ACSM3: variants seen among roughly 807,000 people sequenced by gnomAD.
The protein encoded by ACSM3 is acyl-coenzyme A synthetase ACSM3, mitochondrial.
A neutral mutation model predicts 74.1 loss-of-function variants in ACSM3; 61 were observed. The ratio of observed to expected loss-of-function variants is 0.82; its 90% CI spans 0.67 to 1.02. The LOEUF (loss-of-function observed/expected upper bound fraction) is 1.02, where lower values mean the gene tolerates loss of function less well. ACSM3 is among the 50% of genes least tolerant of loss of function. The probability of loss-of-function intolerance (pLI) is 0.00; values close to 1 mark genes in which losing one functional copy is unlikely to be tolerated. For missense variants in ACSM3, 660 were observed against 697.0 expected, an observed-to-expected ratio of 0.95 and a Z score of 0.60; for synonymous variants, 213 against 241.5, an observed-to-expected ratio of 0.88 and a Z score of 1.09.
chr16:20,782,703 G>A (rs143986148), intron 7 of ACSM3, among the ~76,000 whole-genome samples: 6 of 152,246 alleles, frequency 3.9e-5, no homozygotes, highest in East Asian at 3.9e-4. Context: ...TGTCACCTGC[G>A]CATATGACCA....
intron 1 of ACSM3, among the ~76,000 whole-genome samples, chr16:20,714,024 G>A (rs1231820081): frequency 6.6e-6 from 1 of 152,070 alleles, no homozygotes; most frequent in African/African-American, 2.4e-5. Flanking sequence ...AAGTGTATAC[G>A]TTCATGAACA....
At chr16:20,688,342 G>T (rs1211440782) in intron 1 of ACSM3, among the ~76,000 whole-genome samples, 3 of 151,978 alleles carry the variant, frequency 2.0e-5, no homozygotes, top group Non-Finnish European at 4.4e-5. Flanking sequence ...ACCCATTTTG[G>T]GCATTCTAGA....
chr16:20,707,101 C>T (rs2079730144), intron 1 of ACSM3, among the ~76,000 whole-genome samples: 1 of 152,094 alleles, frequency 6.6e-6, no homozygotes, highest in Non-Finnish European at 1.5e-5. Flanking sequence ...CAGCTGAGGT[C>T]TAAGAGCAGT....
intron 1 of ACSM3, among the ~76,000 whole-genome samples, chr16:20,710,362 G>A (rs998434583): frequency 6.6e-6 from 1 of 152,074 alleles, no homozygotes; most frequent in Non-Finnish European, 1.5e-5. Context: ...AAAATATTTA[G>A]AATACACATC....
At chr16:20,796,004 A>G (rs2080714947) in intron 12 of ACSM3, 1 of 166,402 alleles carries the variant, frequency 6.0e-6, no homozygotes, top group South Asian at 1.9e-4. Context: ...ATGGAAATGG[A>G]TCAGAGCAAC....
intron 1 of ACSM3, among the ~76,000 whole-genome samples, chr16:20,695,582 T>TTAC (rs2079685175): frequency 8.7e-5 from 13 of 150,264 alleles, no homozygotes; most frequent in South Asian, 2.1e-4. Flanking sequence ...CTATTACCTA[T>TTAC]CTATTATCTA....
intron 1 of ACSM3, among the ~76,000 whole-genome samples, chr16:20,712,520 G>A (rs1249542447): frequency 1.3e-5 from 2 of 152,070 alleles, no homozygotes; most frequent in African/African-American, 4.8e-5. Flanking sequence ...AAATGAATAT[G>A]TGAGAAAGTG....
intron 1 of ACSM3, chr16:20,711,465 C>A (rs2079743619): frequency 8.1e-7 from 1 of 1,233,794 alleles, no homozygotes. Flanking sequence ...GTTTAGTGTC[C>A]TTCCCAGGGA....
At chr16:20,683,715 C>CTCTCTCTTTCTT (rs1555477280) in intron 1 of ACSM3, among the ~76,000 whole-genome samples, 25 of 136,384 alleles carry the variant, frequency 1.8e-4, no homozygotes, top group Non-Finnish European at 3.1e-4. Context: ...CTCTCTCTCT[C>CTCTCTCTTTCTT]TCTTTCTTTC....
intron 1 of ACSM3, among the ~76,000 whole-genome samples, chr16:20,732,428 G>A (rs1337313010): frequency 6.6e-6 from 1 of 152,106 alleles, no homozygotes; most frequent in Non-Finnish European, 1.5e-5. Context: ...TTAAAATACA[G>A]TAGTCGTCTT....
At chr16:20,758,194 G>A (rs1321484079) in intron 3 of ACSM3, among the ~76,000 whole-genome samples, 4 of 152,148 alleles carry the variant, frequency 2.6e-5, no homozygotes, top group Non-Finnish European at 5.9e-5. Flanking sequence ...TGTTGGAATA[G>A]TTTCAGAAGG....
intron 1 of ACSM3, chr16:20,736,635 C>G: frequency 2.3e-6 from 1 of 440,938 alleles, no homozygotes; most frequent in Non-Finnish European, 4.0e-6. Context: ...AGGCCAACAT[C>G]CCCCTCCTAT....
At chr16:20,758,604 G>C (rs1169827281) in intron 3 of ACSM3, among the ~76,000 whole-genome samples, 1 of 151,996 alleles carries the variant, frequency 6.6e-6, no homozygotes, top group Admixed American at 6.6e-5. Context: ...TTAATTTTTT[G>C]AAGGGTCTTT....
chr16:20,759,645 T>C (rs2080060725), upstream of ACSM3, among the ~76,000 whole-genome samples: 1 of 151,340 alleles, frequency 6.6e-6, no homozygotes, highest in African/African-American at 2.4e-5. Context: ...GAACATCTGG[T>C]GAGGACATGG....
intron 1 of ACSM3, among the ~76,000 whole-genome samples, chr16:20,730,716 T>C (rs1021417839): frequency 6.6e-6 from 1 of 152,212 alleles, no homozygotes; most frequent in African/African-American, 2.4e-5. Flanking sequence ...TTAGAATCAA[T>C]GAATAATATA....
Position 20,780,816 on chromosome 16 carries a change from C to T in ACSM3, c.741C>T (p.His247=), listed in dbSNP as rs2080335885. ...GTSGYPKMTA[H]THSSFGLGLS... is the part of the protein sequence containing the mutation. ...GTGGATATCCGAAAATGACTGCACA[C>T]ACCCACAGCAGTTTTGGTTTAGGAT... is the stretch of plus-strand genomic sequence containing the variant. The change falls in exon 5 of 14, where the codon CAC becomes CAT. Residue 247 remains histidine, a synonymous_variant. Transcript: ENST00000289416. The T allele has an allele frequency of 1.2e-6, 2 of 1,614,128 alleles. No individual in the cohort carries two copies. The highest frequency in any genetic ancestry group is 3.3e-5 in the Admixed American group (2 of 60,002).
intron 12 of ACSM3, among the ~76,000 whole-genome samples, chr16:20,794,380 T>C (rs1364685892): frequency 6.6e-6 from 1 of 152,226 alleles, no homozygotes. Flanking sequence ...TTAAGACTTA[T>C]GCAGTGATGG....
chr16:20,740,092 TAC>T (rs1271974921), intron 1 of ACSM3, among the ~76,000 whole-genome samples: 1 of 152,110 alleles, frequency 6.6e-6, no homozygotes, highest in African/African-American at 2.4e-5. Flanking sequence ...GGCACAGAAA[TAC>T]ATTGTTCAAT....
At chr16:20,796,521 C>T in intron 13 of ACSM3, 32 bp downstream of exon 13, 2 of 1,608,504 alleles carry the variant, frequency 1.2e-6, no homozygotes, top group Non-Finnish European at 1.7e-6. Flanking sequence ...AATATTTGCT[C>T]AGTGTTGTGG....
Sources: gnomAD v4.1 joint callset for allele counts (sites outside exome capture counted in the v4.1 genomes callset) on GRCh38, gnomAD v4.1.1 for gene constraint, MANE v1.5 for transcripts, NCBI Gene and HGNC (gene_info 2026-07-23, HGNC 2026-07-21) for gene names.